TRPM4: variants seen among roughly 807,000 people sequenced by gnomAD.
TRPM4 encodes calcium-activated non-selective cation channel 1.
A neutral mutation model predicts 135.6 loss-of-function variants in TRPM4; 124 were observed. The ratio of observed to expected loss-of-function variants is 0.91; its 90% CI spans 0.79 to 1.06. TRPM4 has a LOEUF of 1.06. Among genes scored for constraint, TRPM4 ranks in the 50% least tolerant of loss-of-function variants. The probability of loss-of-function intolerance (pLI) is 0.00; values close to 1 mark genes in which losing one functional copy is unlikely to be tolerated. For missense variants in TRPM4, 1,658 were observed against 1,671.4 expected (o/e 0.99, Z 0.14); for synonymous variants, 745 against 705.6 (o/e 1.06, Z -0.88).
intron 20 of TRPM4, among the ~76,000 whole-genome samples, chr19:49,205,950 G>C (rs1969132400): frequency 6.6e-6 from 1 of 152,072 alleles, no homozygotes; most frequent in Non-Finnish European, 1.5e-5. Context: ...CCTTATGCCA[G>C]AACCACACAG....
Position 49,200,646 on chromosome 19 carries a change from C to T in TRPM4, c.2814C>T (p.Gly938=), listed in dbSNP as rs543587082. ...TGTTCTTCTTCCTCTTCTTCCTCGG[C>T]GTGTGGCTGGTAGCCTATGGCGTGG... ...KDVFFFLFFL[G]VWLVAYGVAT... The change falls in exon 19 of 25, where the codon GGC becomes GGT. Residue 938 remains glycine, a synonymous_variant. Coordinates refer to ENST00000252826, the MANE Select transcript of TRPM4 (RefSeq NM_017636.4). 14 of 1,613,870 alleles carry T rather than the reference C, an allele frequency of 8.7e-6. No individual in the cohort carries two copies. Among genetic ancestry groups the T allele is most frequent in the East Asian group, 2.2e-5 (1 of 44,878 alleles).
chr19:49,165,783 A>G (rs1448481653), intron 2 of TRPM4, among the ~76,000 whole-genome samples: 1 of 152,158 alleles, frequency 6.6e-6, no homozygotes, highest in African/African-American at 2.4e-5. Context: ...GAGGCTCCTC[A>G]GGTGACAGTG....
At chr19:49,193,317 G>A (rs1256481854) in intron 16 of TRPM4, among the ~76,000 whole-genome samples, 2 of 152,022 alleles carry the variant, frequency 1.3e-5, no homozygotes, top group African/African-American at 2.4e-5. Context: ...TCCTGACCTC[G>A]TGATCTGCCC....
At chr19:49,182,189 C>T (rs1485552574) in intron 10 of TRPM4, among the ~76,000 whole-genome samples, 4 of 143,374 alleles carry the variant, frequency 2.8e-5, no homozygotes, top group African/African-American at 1.1e-4. Context: ...TCCATTCATC[C>T]ATACATCCAT....
At chr19:49,162,540 A>G (rs1967004763) in intron 2 of TRPM4, among the ~76,000 whole-genome samples, 2 of 152,030 alleles carry the variant, frequency 1.3e-5, no homozygotes, top group South Asian at 4.2e-4. Flanking sequence ...CTCCATCTCA[A>G]AACAAAACAA....
chr19:49,194,111 C>G (rs1344896563), intron 16 of TRPM4, among the ~76,000 whole-genome samples: 1 of 150,370 alleles, frequency 6.7e-6, no homozygotes, highest in African/African-American at 2.5e-5. Context: ...TTCTCCTCAT[C>G]CTACTTCTCC....
Position 49,182,843 on chromosome 19 carries a change from T to C in TRPM4, c.1529T>C (p.Leu510Pro). ...GACGTGGGGCATGTGCTGAGGATGC[T>C]GCTGGGGAAGATGTGCGCGCCGAGG... ...PPDVGHVLRM[L>P]LGKMCAPRYP... Residue 510 changes from leucine to proline, a missense_variant, in exon 11 of 25, where the codon CTG (leucine) becomes CCG (proline). Leu to Pro is a moderately conservative substitution (Grantham distance 98). Coordinates refer to ENST00000252826, the MANE Select transcript of TRPM4 (RefSeq NM_017636.4). The C allele has an allele frequency of 6.2e-7, 1 of 1,612,480 alleles. No homozygotes were observed. Among genetic ancestry groups the C allele is most frequent in the East Asian group, 2.2e-5 (1 of 44,854 alleles).
rs1364418592 is a variant in TRPM4, at chr19:49,182,937, A to T, written c.1608+15A>T. On this transcript the variant is annotated intron_variant, in intron 11 of 24. Coordinates refer to ENST00000252826, the MANE Select transcript of TRPM4 (RefSeq NM_017636.4). The stretch of plus-strand genomic sequence containing the variant: ...TCGGGGAGAGCGTAAGGACCGGGCA[A>T]AGCTGGGGGGCCCCCCCGCGCGGGA... 2 of 1,584,520 alleles carry T rather than the reference A, an allele frequency of 1.3e-6. No individual in the cohort carries two copies. The highest frequency in any genetic ancestry group is 1.7e-6 in the Non-Finnish European group (2 of 1,165,198).
chr19:49,166,726 C>G (rs1967198942), intron 3 of TRPM4, among the ~76,000 whole-genome samples: 1 of 150,210 alleles, frequency 6.7e-6, no homozygotes, highest in Non-Finnish European at 1.5e-5. Flanking sequence ...TTCTCTGTGT[C>G]TCTGTCCCCG....
At chr19:49,199,326 T>G (rs1968825243) in intron 17 of TRPM4, among the ~76,000 whole-genome samples, 1 of 152,162 alleles carries the variant, frequency 6.6e-6, no homozygotes, top group Admixed American at 6.5e-5. Context: ...TGGCGCGATC[T>G]CGGCTCACTG....
intron 16 of TRPM4, among the ~76,000 whole-genome samples, chr19:49,193,222 A>C (rs1195277666): frequency 6.6e-6 from 1 of 151,710 alleles, no homozygotes; most frequent in Non-Finnish European, 1.5e-5. Flanking sequence ...CTGGGACTAC[A>C]GGTGCCCGCC....
chr19:49,196,356 C>A, intron 16 of TRPM4, 84 bp from the exon 17 acceptor site: 1 of 1,340,396 alleles, frequency 7.5e-7, no homozygotes, highest in Non-Finnish European at 9.9e-7. Context: ...TGAGATGTGC[C>A]AAGCCAAAAG....
rs879361688 is a variant in TRPM4, at chr19:49,178,211, T to C, written c.1151-3138T>C. 2.6e-4 allele frequency among the ~76,000 whole-genome samples: 39 copies of C among 152,174 alleles called. 1 individual carries two copies. Among genetic ancestry groups the C allele is most frequent in the Admixed American group, 1.2e-3 (19 of 15,266 alleles). ...GGTACTGTGCGCCTGTAGTCCCAGC[T>C]ACTCGGGAGGCTGAGGCAGGAGGAT... On this transcript the variant is annotated intron_variant, in intron 9 of 24. Transcript: ENST00000252826.
chr19:49,188,653 G>C lies in TRPM4; in HGVS notation c.1756G>C (p.Val586Leu), dbSNP rs369462197. ...MYFWEMGSNA[V>L]SSALGACLLL... Reference sequence around the variant, plus strand: ...TTTGTCTCTCCAGGGTTCCAATGCAGTTTCCTCAGCTCTTGGGGCCTGTTT... The same window carrying C: ...TTTGTCTCTCCAGGGTTCCAATGCACTTTCCTCAGCTCTTGGGGCCTGTTT... Residue 586 changes from valine (V) to leucine (L), a missense_variant, in exon 13 of 25, where the codon GTT becomes CTT. This residue lies in a region of TRPM4 where 1,412 missense variants were observed against 1,408.7 expected (regional missense o/e 1.00). Coordinates refer to ENST00000252826, the MANE Select transcript of TRPM4 (RefSeq NM_017636.4). 127 of 1,614,168 alleles carry C rather than the reference G, an allele frequency of 7.9e-5. No individual in the cohort carries two copies. Among genetic ancestry groups the C allele is most frequent in the Middle Eastern group, 3.3e-4 (2 of 6,062 alleles).
intron 20 of TRPM4, among the ~76,000 whole-genome samples, chr19:49,207,889 A>T (rs1182117085): frequency 1.3e-5 from 2 of 152,046 alleles, no homozygotes; most frequent in Admixed American, 6.6e-5. Context: ...CACTACCACC[A>T]AGACGTGGAG....
At chr19:49,182,528 G>T in intron 10 of TRPM4, 50 bp from the exon 11 acceptor site, 1 of 1,520,028 alleles carries the variant, frequency 6.6e-7, no homozygotes, top group Non-Finnish European at 9.0e-7. Context: ...CCCATCTCTT[G>T]TCCTTAACCT....
chr19:49,175,067 CTTTTTTTT>C (rs772062913), intron 9 of TRPM4, among the ~76,000 whole-genome samples: 81 of 77,576 alleles, frequency 1.0e-3, no homozygotes, highest in Middle Eastern at 8.9e-3. Flanking sequence ...TCATGCCTGG[CTTTTTTTT>C]TTTTTTTTTT....
intron 9 of TRPM4, among the ~76,000 whole-genome samples, chr19:49,173,596 A>C (rs1394034762): frequency 6.6e-6 from 1 of 152,222 alleles, no homozygotes; most frequent in Non-Finnish European, 1.5e-5. Context: ...TGGAGGACGG[A>C]ATGATGAAAA....
chr19:49,182,458 AT>A (rs1280014888), intron 10 of TRPM4, 119 bp from the exon 11 acceptor site: 43 of 334,336 alleles, frequency 1.3e-4, no homozygotes, highest in Middle Eastern at 5.3e-4. Context: ...CCACCCATCC[AT>A]CCATCCATCC....
Sources: allele counts gnomAD v4.1 joint callset (sites outside exome capture counted in the v4.1 genomes callset), GRCh38; gene constraint gnomAD v4.1.1; regional missense constraint gnomAD v4.1.1; transcripts MANE v1.5; gene names NCBI Gene and HGNC (gene_info 2026-07-23, HGNC 2026-07-21).